Variants in TTBK1 observed in about 807,000 individuals in gnomAD.
The protein encoded by TTBK1 is tau tubulin kinase 1.
In TTBK1, 34 loss-of-function variants were observed where a neutral mutation model predicts 108.5. The observed-to-expected ratio is 0.31, with a 90% CI of 0.24 to 0.42. The LOEUF is 0.42. TTBK1 is among the 10% of genes least tolerant of loss of function. The probability of loss-of-function intolerance (pLI) is 1.00; values close to 1 mark genes in which losing one functional copy is unlikely to be tolerated. For missense variants in TTBK1, 1,539 were observed against 1,826.0 expected, an observed-to-expected ratio of 0.84 and a Z score of 2.86; for synonymous variants, 809 against 795.1, an observed-to-expected ratio of 1.02 and a Z score of -0.29.
At position 43,284,289 on chromosome 6, in the gene TTBK1, A is replaced by G. The variant is rs751394688; in HGVS notation, c.3549A>G (p.Ala1183=). Residue 1183 remains alanine, a synonymous_variant, in exon 14 of 15, where the codon GCA becomes GCG. Transcript: ENST00000259750. The part of the protein sequence containing the change: ...PASRSHGAAP[A]LDTAITSRLQ... ...GCAGATCCCATGGCGCGGCCCCAGC[A>G]TTGGACACAGCCATCACCAGCAGGT... The G allele has an allele frequency of 8.8e-6, 14 of 1,582,044 alleles. No homozygotes were observed. In the South Asian group the frequency reaches 1.6e-4, roughly 18 times the overall value.
rs1367292436 is a variant in TTBK1 at position 43,283,991 on chromosome 6, G to A, written c.3251G>A (p.Arg1084Gln). ...SAKERWSKRARPQQDLARLVM... is the reference protein window; with the variant it reads ...SAKERWSKRAQPQQDLARLVM... ...AAAGAGCGGTGGAGCAAGCGGGCTCGGCCGCAGCAGGACCTGGCGCGGCTG... is the reference window on the plus strand; with the variant it reads ...AAAGAGCGGTGGAGCAAGCGGGCTCAGCCGCAGCAGGACCTGGCGCGGCTG... Residue 1084 changes from arginine to glutamine, a missense_variant, in exon 14 of 15, where the codon CGG becomes CAG. By Grantham distance (43) the Arg-to-Gln change is conservative. Coordinates refer to ENST00000259750, the MANE Select transcript of TTBK1 (RefSeq NM_032538.3). This position sits in a 1 kb window ranked among gnomAD's most constrained non-coding sequence, Gnocchi z 8.1. 3 of 1,603,864 alleles carry A rather than the reference G, an allele frequency of 1.9e-6. No homozygotes were observed. The highest frequency in any genetic ancestry group is 1.7e-6 in the Non-Finnish European group (2 of 1,175,286).
intron 2 of TTBK1, among the ~76,000 whole-genome samples, chr6:43,249,439 A>G (rs555443074): frequency 6.6e-6 from 1 of 152,224 alleles, no homozygotes; most frequent in South Asian, 2.1e-4. Context: ...TGTGACTTTC[A>G]TGGGCCCCTT....
At chr6:43,251,709 C>T (rs544408108) in intron 2 of TTBK1, among the ~76,000 whole-genome samples, 1 of 152,242 alleles carries the variant, frequency 6.6e-6, no homozygotes, top group South Asian at 2.1e-4. Flanking sequence ...AGGGGGGAGA[C>T]GAGAGGGTCA....
Position 43,269,725 on chromosome 6 carries a change from C to T in TTBK1, c.1986+6375C>T. The T allele has an allele frequency of 6.2e-7, 1 of 1,609,954 alleles. No individual in the cohort carries two copies. Among genetic ancestry groups the T allele is most frequent in the Non-Finnish European group, 8.5e-7 (1 of 1,179,614 alleles). On this transcript the variant is annotated intron_variant, in intron 13 of 14. Transcript: ENST00000259750. This position sits in a 1 kb window ranked among gnomAD's most constrained non-coding sequence, Gnocchi z 4.8. The stretch of plus-strand genomic sequence containing the variant: ...CTGGCGTCCTCCGTGTTCTCCTCCT[C>T]CACGCTGGAGACGGAGCATTACCCT...
In TTBK1 at chr6:43,282,686, G is replaced by A; in HGVS notation, c.1987-41G>A. Reference sequence around the variant, plus strand: ...GCTGAAGTCTTCCTGGGCCCAGGAGGGTGGGTGACCTCAGAGGGTCCCTGT... The same window carrying A: ...GCTGAAGTCTTCCTGGGCCCAGGAGAGTGGGTGACCTCAGAGGGTCCCTGT... On this transcript the variant is annotated intron_variant, in intron 13 of 14. Coordinates refer to ENST00000259750, the MANE Select transcript of TTBK1 (RefSeq NM_032538.3). This position sits in a 1 kb window ranked among gnomAD's most constrained non-coding sequence, Gnocchi z 5.4. The A allele has an allele frequency of 6.5e-7, 1 of 1,530,418 alleles. No individual in the cohort carries two copies. 94.8% of individuals were successfully genotyped at this position (1,530,418 alleles called of 1,614,324 possible).
chr6:43,267,069 G>A (rs1777700517), intron 13 of TTBK1, among the ~76,000 whole-genome samples: 1 of 149,468 alleles, frequency 6.7e-6, no homozygotes, highest in Non-Finnish European at 1.5e-5. Context: ...CATACCCACT[G>A]TCTGGGCCAT....
intron 2 of TTBK1, among the ~76,000 whole-genome samples, chr6:43,247,696 G>A (rs1777131069): frequency 6.6e-6 from 1 of 152,152 alleles, no homozygotes. Context: ...TGCTTTAGTG[G>A]GGAGGCTCAG....
At position 43,283,023 on chromosome 6, in the gene TTBK1, AGAAGAGGAGGAGGAG is replaced by A. The variant is rs775744173; in HGVS notation, c.2300_2314del (p.Glu767_Glu771del). On this transcript the variant is annotated inframe_deletion, in exon 14 of 15. Transcript: ENST00000259750. The surrounding 1 kb of genome is among the most constrained non-coding windows in gnomAD (Gnocchi z 8.1). Reference sequence around the variant, plus strand: ...AGGAGGAAGAGGAAGAGGAGGAGGAAGAAGAGGAGGAGGAGGAAGAGGAGGAGGAGGCTGCAGCGG... The same window carrying A: ...AGGAGGAAGAGGAAGAGGAGGAGGAAGAAGAGGAGGAGGAGGCTGCAGCGG... The A allele has an allele frequency of 1.4e-4, 224 of 1,591,644 alleles. No homozygotes were observed. The highest frequency in any genetic ancestry group is 3.4e-4 in the Middle Eastern group (2 of 5,894).
chr6:43,284,369 G>GGAGGGGCTTCTCCAGAACCCAGGT, intron 14 of TTBK1, 57 bp downstream of exon 14: 1 of 1,479,750 alleles, frequency 6.8e-7, no homozygotes, highest in Non-Finnish European at 8.9e-7. Context: ...GCCTCCACCA[G>GGAGGGGCTTCTCCAGAACCCAGGT]GAGGGGCTTC....
chr6:43,243,930 C>A lies in TTBK1; in HGVS notation c.-55+222C>A, dbSNP rs1044653041. On this transcript the variant is annotated intron_variant, in intron 1 of 14. Transcript: ENST00000259750. The surrounding 1 kb of genome is among the most constrained non-coding windows in gnomAD (Gnocchi z 5.5). Reference sequence around the variant, plus strand: ...AGACCTCCCTCCCCAACCCGTCCTCCGGGCACTTTGCTCCTCCCCACTCAC... The same window carrying A: ...AGACCTCCCTCCCCAACCCGTCCTCAGGGCACTTTGCTCCTCCCCACTCAC... 6.6e-5 allele frequency among the ~76,000 whole-genome samples: 10 copies of A among 152,134 alleles called. No individual in the cohort carries two copies. Among genetic ancestry groups the A allele is most frequent in the Non-Finnish European group, 1.3e-4 (9 of 67,978 alleles).
At chr6:43,262,710 C>A in intron 12 of TTBK1, 79 bp from the exon 13 acceptor site, 10 of 1,398,618 alleles carry the variant, frequency 7.1e-6, no homozygotes, top group Non-Finnish European at 9.4e-6. Context: ...GGGAGTCACG[C>A]CCCACCCTGC....
rs752140081 is a variant in TTBK1 at position 43,285,323 on chromosome 6, G to T, written c.3913G>T (p.Ala1305Ser). ...CAGAGGGAAACTCCAGGCTCAGCGCGCAACAACCAAAGGCCGGGCAGGAGG... is the reference window on the plus strand; with the variant it reads ...CAGAGGGAAACTCCAGGCTCAGCGCTCAACAACCAAAGGCCGGGCAGGAGG... ...GPRGKLQAQR[A>S]TTKGRAGGAE... The change falls in exon 15 of 15, where the codon GCA (alanine) becomes TCA (serine). Residue 1305 changes from alanine to serine, a missense_variant. Coordinates refer to ENST00000259750, the MANE Select transcript of TTBK1 (RefSeq NM_032538.3). This position sits in a 1 kb window ranked among gnomAD's most constrained non-coding sequence, Gnocchi z 4.7. The T allele has an allele frequency of 3.1e-6, 4 of 1,293,464 alleles. No individual in the cohort carries two copies. In the East Asian group the frequency reaches 9.4e-5, roughly 30 times the overall value. 80.1% of individuals were successfully genotyped at this position (1,293,464 alleles called of 1,614,324 possible).
chr6:43,247,398 G>A (rs1315462794), intron 2 of TTBK1, among the ~76,000 whole-genome samples: 1 of 152,224 alleles, frequency 6.6e-6, no homozygotes, highest in South Asian at 2.1e-4. Flanking sequence ...CGGAGCGGGG[G>A]CGTGAGGGCT....
At position 43,269,872 on chromosome 6, in the gene TTBK1, A is replaced by G; in HGVS notation, c.1986+6522A>G. The G allele has an allele frequency of 6.5e-7, 1 of 1,531,754 alleles. No homozygotes were observed. Among genetic ancestry groups the G allele is most frequent in the Non-Finnish European group, 8.7e-7 (1 of 1,144,318 alleles). The allele number at this position is 1,531,754 out of a possible 1,614,324, so 94.9% of individuals were successfully genotyped here. A position where few individuals can be genotyped will look rare whatever the true frequency, so the allele number is the denominator to read the frequency against. On this transcript the variant is annotated intron_variant, in intron 13 of 14. Transcript: ENST00000259750. This position sits in a 1 kb window ranked among gnomAD's most constrained non-coding sequence, Gnocchi z 4.8. ...CACGCGCCCCTCGCTGCTGGCAACC[A>G]CAGACTCATGCCCTCGGTGCTCCGC...
chr6:43,256,145 T>TA (rs1238160749), intron 9 of TTBK1, among the ~76,000 whole-genome samples: 1 of 151,930 alleles, frequency 6.6e-6, no homozygotes, highest in Non-Finnish European at 1.5e-5. Flanking sequence ...CCAGCTCTTT[T>TA]TTTTTTTTTA....
intron 1 of TTBK1, among the ~76,000 whole-genome samples, chr6:43,245,821 C>A (rs1025831006): frequency 6.6e-6 from 1 of 152,200 alleles, no homozygotes; most frequent in African/African-American, 2.4e-5. Context: ...TCTTTCACTT[C>A]TCCTGCCTCC....
chr6:43,281,062 T>A (rs1177106967), intron 13 of TTBK1, among the ~76,000 whole-genome samples: 1 of 152,082 alleles, frequency 6.6e-6, no homozygotes, highest in African/African-American at 2.4e-5. Flanking sequence ...GGGGGATTCA[T>A]GGGCCAAGTC....
chr6:43,254,908 G>A, intron 6 of TTBK1, 141 bp from the exon 7 acceptor site: 1 of 888,824 alleles, frequency 1.1e-6, no homozygotes, highest in Non-Finnish European at 1.9e-6. Flanking sequence ...GGCGGGTTTA[G>A]GACTGGAAGG....
rs749070590 is a variant in TTBK1, at chr6:43,263,329, C to T, written c.1965C>T (p.Asp655=). 1.5e-4 allele frequency: 222 copies of T among 1,468,588 alleles called. No homozygotes were observed. The highest frequency in any genetic ancestry group is 2.0e-4 in the Non-Finnish European group (216 of 1,106,910). The allele number at this position is 1,468,588 out of a possible 1,614,324, so 91.0% of individuals were successfully genotyped here. Residue 655 remains aspartate, a synonymous_variant, in exon 13 of 15, where the codon GAC becomes GAT. Coordinates refer to ENST00000259750, the MANE Select transcript of TTBK1 (RefSeq NM_032538.3). The surrounding 1 kb of genome is among the most constrained non-coding windows in gnomAD (Gnocchi z 4.7). ...CCCGCCCTCGACGGAGAGAGTCGGA[C>T]CCCACAGGCCCACAGAGACAGGTAA... is the stretch of plus-strand genomic sequence containing the variant. ...SGPRPRRRES[D]PTGPQRQVFS...
Sources: allele counts gnomAD v4.1 joint callset (sites outside exome capture counted in the v4.1 genomes callset), GRCh38; gene constraint gnomAD v4.1.1; non-coding constraint Gnocchi (gnomAD v3.1); transcripts MANE v1.5; gene names NCBI Gene and HGNC (gene_info 2026-07-23, HGNC 2026-07-21).